PDZD8: variants seen among roughly 807,000 people sequenced by gnomAD.
PDZD8 encodes the protein PDZ domain-containing protein 8.
Under a neutral mutation model 85.8 loss-of-function variants are expected in PDZD8, and 14 were observed. The observed-to-expected ratio is 0.16, with a 90% CI of 0.11 to 0.26. The LOEUF is 0.26. PDZD8 is among the 10% of genes least tolerant of loss of function. The pLI is 1.00. For synonymous variants in PDZD8, 592 were observed against 568.6 expected (o/e 1.04, Z -0.59); for missense variants, 1,197 against 1,424.3 (o/e 0.84, Z 2.57).
In PDZD8 at chr10:117,298,403, T is replaced by C. The variant is rs73394941; in HGVS notation, c.1099-8055A>G. 5.2e-3 allele frequency among the ~76,000 whole-genome samples: 795 copies of C among 152,244 alleles called. 5 individuals are homozygous for C. Among genetic ancestry groups the C allele is most frequent in the African/African-American group, 0.018 (764 of 41,544 alleles). ...GGGGTTACCTTTTTTCTCTAGATAATATGCATACATCATCATTTCTTAATA... is the reference window on the plus strand; with the variant it reads ...GGGGTTACCTTTTTTCTCTAGATAACATGCATACATCATCATTTCTTAATA... On this transcript the variant is annotated intron_variant, in intron 3 of 4. Transcript: ENST00000334464.
chr10:117,286,082 T>A (rs1323265038), intron 4 of PDZD8, among the ~76,000 whole-genome samples: 1 of 152,240 alleles, frequency 6.6e-6, no homozygotes, highest in Non-Finnish European at 1.5e-5. Flanking sequence ...ATAAACTGCT[T>A]TAAAGTTAAA....
intron 3 of PDZD8, among the ~76,000 whole-genome samples, chr10:117,290,983 C>T (rs1202672570): frequency 6.6e-6 from 1 of 150,758 alleles, no homozygotes; most frequent in African/African-American, 2.4e-5. Context: ...GATTCTCTCA[C>T]CTCAGCCTCC....
At chr10:117,312,384 G>A (rs962422180) in intron 3 of PDZD8, among the ~76,000 whole-genome samples, 7 of 152,136 alleles carry the variant, frequency 4.6e-5, no homozygotes, top group African/African-American at 1.2e-4. Flanking sequence ...AGAAACCACT[G>A]AGGCAGGCAA....
rs149833869 is a variant in PDZD8 at position 117,328,204 on chromosome 10, T to C, written c.996-9230A>G. On this transcript the variant is annotated intron_variant, in intron 2 of 4. Coordinates refer to ENST00000334464, the MANE Select transcript of PDZD8 (RefSeq NM_173791.5). ...TCAAGACTAACTGTTCAGAATGTGA[T>C]TGTTTCTCTCCTACAAGTTCCAGAT... Among the ~76,000 whole-genome samples the C allele has an allele frequency of 9.2e-3, 1,407 of 152,276 alleles. 25 individuals are homozygous for C. The highest frequency in any genetic ancestry group is 0.032 in the African/African-American group (1,341 of 41,560).
chr10:117,348,407 T>C (rs1844745031), intron 1 of PDZD8, among the ~76,000 whole-genome samples: 2 of 152,184 alleles, frequency 1.3e-5, no homozygotes, highest in African/African-American at 4.8e-5. Flanking sequence ...GGAAACAGTC[T>C]TAAGAGATCT....
rs138497754 is a variant in PDZD8, at chr10:117,350,427, G to A, written c.873-9325C>T. On this transcript the variant is annotated intron_variant, in intron 1 of 4. Transcript: ENST00000334464. ...TTACAGGGTGCCCACTACCACGTTC[G>A]GTTAATTTTTGTATTTTTAGTAGAG... Among the ~76,000 whole-genome samples the A allele has an allele frequency of 2.4e-3, 370 of 151,280 alleles. 1 individual carries two copies. Among genetic ancestry groups the A allele is most frequent in the Non-Finnish European group, 3.3e-3 (223 of 67,778 alleles).
At chr10:117,310,322 A>T (rs1321035173) in intron 3 of PDZD8, among the ~76,000 whole-genome samples, 2 of 152,122 alleles carry the variant, frequency 1.3e-5, no homozygotes, top group African/African-American at 4.8e-5. Context: ...TACTACTGAT[A>T]CTCACAGTAC....
chr10:117,279,371 ACTG>A lies in PDZD8; in HGVS notation c.*3894_*3896del, dbSNP rs1421741086. The A allele has an allele frequency of 1.3e-5, 2 of 152,188 alleles. No individual in the cohort carries two copies. Among genetic ancestry groups the A allele is most frequent in the African/African-American group, 2.4e-5 (1 of 41,452 alleles). 9.4% of individuals were successfully genotyped at this position (152,188 alleles called of 1,614,324 possible). On this transcript the variant is annotated 3_prime_UTR_variant, in exon 5 of 5. Transcript: ENST00000334464. The stretch of plus-strand genomic sequence containing the variant: ...GTAGCAATGAATATTCAACTGTTTG[ACTG>A]CTAAGTGTATCTGTCCATATTTTAG...
At position 117,374,891 on chromosome 10, in the gene PDZD8, C is replaced by T; in HGVS notation, c.337G>A (p.Ala113Thr). 6.2e-7 allele frequency: 1 copy of T among 1,613,488 alleles called. No homozygotes were observed. The highest frequency in any genetic ancestry group is 8.5e-7 in the Non-Finnish European group (1 of 1,179,898). ...TTGGTGACCCAGCGGCGGGTCAGCG[C>T]GGTGTCCCGCAACTCCCGGAACAGG... ...LFLFRELRDT[A>T]LTRRWVTKKI... The change falls in exon 1 of 5, where the codon GCG becomes ACG. Residue 113 changes from alanine (A) to threonine (T), a missense_variant. Ala to Thr is a moderately conservative substitution (Grantham distance 58, BLOSUM62 0). This residue lies in a region of PDZD8 where 344 missense variants were observed against 453.6 expected (regional missense o/e 0.76). Coordinates refer to ENST00000334464, the MANE Select transcript of PDZD8 (RefSeq NM_173791.5). The surrounding 1 kb of genome is among the most constrained non-coding windows in gnomAD (Gnocchi z 7.8).
At chr10:117,332,304 C>CA (rs1844431679) in intron 2 of PDZD8, among the ~76,000 whole-genome samples, 1 of 151,924 alleles carries the variant, frequency 6.6e-6, no homozygotes, top group Non-Finnish European at 1.5e-5. Context: ...AAACAAAAAA[C>CA]AAAAAACAGA....
At chr10:117,329,629 T>C (rs1359655858) in intron 2 of PDZD8, among the ~76,000 whole-genome samples, 2 of 151,952 alleles carry the variant, frequency 1.3e-5, no homozygotes, top group Non-Finnish European at 2.9e-5. Flanking sequence ...GCTCATGCTA[T>C]AAGAAAGTCA....
intron 1 of PDZD8, among the ~76,000 whole-genome samples, chr10:117,368,167 T>G (rs1845122705): frequency 6.6e-6 from 1 of 152,226 alleles, no homozygotes; most frequent in Non-Finnish European, 1.5e-5. Context: ...CTAGGTAGTA[T>G]GCACTAAGCA....
chr10:117,375,263 GC>G lies in PDZD8; in HGVS notation c.-37del, dbSNP rs1845284247. ...CCTCCGCCCGGGCCCCTACTCCCGC[GC>G]CCACAGCGCCGCTTTCTTCACGCCG... On this transcript the variant is annotated 5_prime_UTR_variant, in exon 1 of 5. The change creates a premature stop within an existing upstream ORF in the 5' untranslated region. Coordinates refer to ENST00000334464, the MANE Select transcript of PDZD8 (RefSeq NM_173791.5). 1.4e-6 allele frequency: 2 copies of G among 1,423,700 alleles called. No homozygotes were observed. Among genetic ancestry groups the G allele is most frequent in the Non-Finnish European group, 1.8e-6 (2 of 1,091,904 alleles). The allele number at this position is 1,423,700 out of a possible 1,614,324, so 88.2% of individuals were successfully genotyped here.
At chr10:117,286,326 T>G (rs1198374221) in intron 4 of PDZD8, among the ~76,000 whole-genome samples, 3 of 152,240 alleles carry the variant, frequency 2.0e-5, no homozygotes, top group Non-Finnish European at 4.4e-5. Context: ...AGGTGCTACT[T>G]GTTTCCTGTC....
intron 1 of PDZD8, among the ~76,000 whole-genome samples, chr10:117,347,273 A>T (rs935140242): frequency 2.0e-5 from 3 of 152,184 alleles, no homozygotes; most frequent in African/African-American, 7.2e-5. Flanking sequence ...TACTACCTGA[A>T]GGCTTCCTCT....
At position 117,277,465 on chromosome 10, in the gene PDZD8, A is replaced by G; in HGVS notation, c.*5803T>C. 1 of 356,892 alleles carries G rather than the reference A, an allele frequency of 2.8e-6. No homozygotes were observed. 22.1% of individuals were successfully genotyped at this position (356,892 alleles called of 1,614,324 possible). On this transcript the variant is annotated 3_prime_UTR_variant, in exon 5 of 5. Transcript: ENST00000334464. ...AAAAGAAGCTTTTCTAGGGGTTTGT[A>G]TAAATAGTGTTGAAACTTTATTTTA...
At chr10:117,350,447 G>T (rs1259417695) in intron 1 of PDZD8, among the ~76,000 whole-genome samples, 2 of 150,860 alleles carry the variant, frequency 1.3e-5, no homozygotes, top group African/African-American at 2.4e-5. Context: ...TGTATTTTTA[G>T]TAGAGACGAG....
At chr10:117,359,056 T>C (rs1844948454) in intron 1 of PDZD8, among the ~76,000 whole-genome samples, 1 of 139,784 alleles carries the variant, frequency 7.2e-6, no homozygotes, top group Non-Finnish European at 1.5e-5. Context: ...AGTCCCATGC[T>C]AGTTGATTTT....
chr10:117,333,421 C>T (rs1325930193), intron 2 of PDZD8, among the ~76,000 whole-genome samples: 1 of 151,986 alleles, frequency 6.6e-6, no homozygotes, highest in East Asian at 1.9e-4. Context: ...AGATATTTTT[C>T]CTTAAAAAAA....
Sources: gnomAD v4.1 joint callset for allele counts (sites outside exome capture counted in the v4.1 genomes callset) on GRCh38, gnomAD v4.1.1 for gene constraint, gnomAD v4.1.1 regional missense constraint, Gnocchi (gnomAD v3.1) non-coding constraint, MANE v1.5 for transcripts, NCBI Gene and HGNC (gene_info 2026-07-23, HGNC 2026-07-21) for gene names.